Variants in PCDH9 observed in about 807,000 individuals in gnomAD.
PCDH9 encodes the protein protocadherin 9.
Under a neutral mutation model 70.6 loss-of-function variants are expected in PCDH9, and 24 were observed. The ratio of observed to expected loss-of-function variants is 0.34; its 90% CI spans 0.25 to 0.48. The LOEUF is 0.48. Ranked by LOEUF, PCDH9 falls within the 20% of genes least tolerant of loss-of-function variation. The pLI, the probability that PCDH9 is intolerant of heterozygous loss-of-function variation, is 0.99. For synonymous variants in PCDH9, 562 were observed against 558.5 expected (o/e 1.01, Z -0.09); for missense variants, 1,281 against 1,503.6 (o/e 0.85, Z 2.45).
At position 67,227,121 on chromosome 13, in the gene PCDH9, A is replaced by G; in HGVS notation, c.1320T>C (p.Val440=). The G allele has an allele frequency of 1.2e-6, 2 of 1,614,052 alleles. No homozygotes were observed. The highest frequency in any genetic ancestry group is 1.7e-6 in the Non-Finnish European group (2 of 1,179,924). ...AACTGGGCTTCCCAGAATCAGAGGC[A>G]ACAATTTTAAAGCTGAATTCTTTGG... ...EGTKEFSFKI[V]ASDSGKPSLN... is the part of the protein sequence containing the mutation. Residue 440 remains valine, a synonymous_variant, in exon 2 of 5, where the codon GTT becomes GTC. Coordinates refer to ENST00000377865, the MANE Select transcript of PCDH9 (RefSeq NM_203487.3). This position sits in a 1 kb window ranked among gnomAD's most constrained non-coding sequence, Gnocchi z 4.6.
chr13:67,101,149 C>A (rs1476506980), intron 2 of PCDH9, among the ~76,000 whole-genome samples: 2 of 152,172 alleles, frequency 1.3e-5, no homozygotes, highest in Non-Finnish European at 2.9e-5. Flanking sequence ...GGGGATTTCT[C>A]AGGTAAAACA....
intron 2 of PCDH9, among the ~76,000 whole-genome samples, chr13:67,170,650 C>T (rs1255517035): frequency 6.6e-6 from 1 of 152,136 alleles, no homozygotes; most frequent in Non-Finnish European, 1.5e-5. Flanking sequence ...ACTGGCCAGG[C>T]ACTATGGCTC....
intron 4 of PCDH9, among the ~76,000 whole-genome samples, chr13:66,491,900 T>C (rs1306845245): frequency 6.6e-6 from 1 of 152,150 alleles, no homozygotes; most frequent in Non-Finnish European, 1.5e-5. Context: ...ACTGTGATAC[T>C]GGTAGGCCCC....
intron 2 of PCDH9, among the ~76,000 whole-genome samples, chr13:66,960,703 T>C (rs73505345): frequency 0.068 from 10,306 of 152,202 alleles, 1,159 homozygotes; most frequent in African/African-American, 0.23. Flanking sequence ...AAACATAAAA[T>C]AGTAGCAATT....
At chr13:66,710,465 A>G (rs1790000961) in intron 3 of PCDH9, among the ~76,000 whole-genome samples, 1 of 152,168 alleles carries the variant, frequency 6.6e-6, no homozygotes, top group Non-Finnish European at 1.5e-5. Flanking sequence ...ATGTTTTCCA[A>G]CTGGGAAGCC....
chr13:66,665,440 A>G (rs1050704019), intron 3 of PCDH9, among the ~76,000 whole-genome samples: 2 of 151,972 alleles, frequency 1.3e-5, no homozygotes, highest in Admixed American at 1.3e-4. Flanking sequence ...CATTTAAACA[A>G]TCCTATGCGT....
intron 3 of PCDH9, among the ~76,000 whole-genome samples, chr13:66,673,525 A>G (rs1042520148): frequency 1.3e-5 from 2 of 152,162 alleles, no homozygotes. Context: ...GAGTGCACAG[A>G]AAGAATGCTA....
chr13:67,017,798 A>C (rs1020107533), intron 2 of PCDH9, among the ~76,000 whole-genome samples: 3 of 152,212 alleles, frequency 2.0e-5, no homozygotes, highest in Non-Finnish European at 4.4e-5. Context: ...AAATTTATCA[A>C]TGTGGTAAAT....
intron 3 of PCDH9, among the ~76,000 whole-genome samples, chr13:66,842,159 A>G (rs2081127039): frequency 6.6e-6 from 1 of 152,200 alleles, no homozygotes; most frequent in African/African-American, 2.4e-5. Context: ...ATAATTTAAA[A>G]TTATGTTTTT....
At chr13:66,887,041 A>G (rs1270526818) in intron 3 of PCDH9, among the ~76,000 whole-genome samples, 2 of 29,928 alleles carry the variant, frequency 6.7e-5, no homozygotes, top group East Asian at 2.5e-3. Flanking sequence ...AATAACACAC[A>G]CACACACACA....
At chr13:66,715,592 G>A (rs1469031023) in intron 3 of PCDH9, among the ~76,000 whole-genome samples, 1 of 152,122 alleles carries the variant, frequency 6.6e-6, no homozygotes, top group East Asian at 1.9e-4. Context: ...AGAGGTTATA[G>A]TACAGATGAT....
intron 3 of PCDH9, among the ~76,000 whole-genome samples, chr13:66,720,144 A>G (rs2078922434): frequency 6.6e-6 from 1 of 150,884 alleles, no homozygotes; most frequent in Non-Finnish European, 1.5e-5. Context: ...GATTTCATCT[A>G]TTTATTTTTT....
chr13:66,980,742 G>A (rs7986258), intron 2 of PCDH9, among the ~76,000 whole-genome samples: 1 of 107,374 alleles, frequency 9.3e-6, no homozygotes, highest in Non-Finnish European at 1.8e-5. Context: ...TTTTTTTTTT[G>A]TTTTTTTTTT....
chr13:66,516,903 G>A (rs181765367), intron 4 of PCDH9, among the ~76,000 whole-genome samples: 11 of 152,124 alleles, frequency 7.2e-5, no homozygotes, highest in Admixed American at 4.6e-4. Context: ...AGTGTCATAT[G>A]GTTTAGAATT....
chr13:66,553,200 A>G (rs983196779), intron 4 of PCDH9, among the ~76,000 whole-genome samples: 2 of 152,134 alleles, frequency 1.3e-5, no homozygotes, highest in Non-Finnish European at 1.5e-5. Flanking sequence ...AAAATCACTA[A>G]CTATTTTGAT....
At chr13:66,948,978 T>G (rs1197480954) in intron 2 of PCDH9, among the ~76,000 whole-genome samples, 1 of 152,120 alleles carries the variant, frequency 6.6e-6, no homozygotes, top group African/African-American at 2.4e-5. Context: ...CGATTTAATC[T>G]AGCATACATG....
chr13:67,194,476 G>A (rs1256522002), intron 2 of PCDH9, among the ~76,000 whole-genome samples: 2 of 150,748 alleles, frequency 1.3e-5, no homozygotes, highest in African/African-American at 4.9e-5. Flanking sequence ...TTTAATATTT[G>A]TTCAGAGAAT....
chr13:66,807,322 A>G (rs2080426515), intron 3 of PCDH9, among the ~76,000 whole-genome samples: 2 of 152,180 alleles, frequency 1.3e-5, no homozygotes, highest in African/African-American at 4.8e-5. Context: ...AGATTAAATG[A>G]TTACCAAATA....
chr13:66,539,108 CCTGT>C (rs1368492497), intron 4 of PCDH9, among the ~76,000 whole-genome samples: 2 of 151,866 alleles, frequency 1.3e-5, no homozygotes, highest in African/African-American at 4.8e-5. Context: ...GCAATATTTA[CCTGT>C]CTAATATGCT....
Sources: gnomAD v4.1 joint callset for allele counts (sites outside exome capture counted in the v4.1 genomes callset) on GRCh38, gnomAD v4.1.1 for gene constraint, Gnocchi (gnomAD v3.1) non-coding constraint, MANE v1.5 for transcripts, NCBI Gene and HGNC (gene_info 2026-07-23, HGNC 2026-07-21) for gene names.